The following RNF17 variants were observed in gnomAD, a reference collection of about 807,000 sequenced individuals.
RNF17 encodes the protein spermatogenesis associated 23.
A neutral mutation model predicts 200.5 loss-of-function variants in RNF17; 31 were observed. The observed-to-expected ratio is 0.15, with a 90% CI of 0.12 to 0.21. The LOEUF (loss-of-function observed/expected upper bound fraction) is 0.21. Among genes scored for constraint, RNF17 ranks in the 10% least tolerant of loss-of-function variants. The pLI is 1.00. For synonymous variants in RNF17, 606 were observed against 637.8 expected, an observed-to-expected ratio of 0.95 and a Z score of 0.75; for missense variants, 1,628 against 1,905.1, an observed-to-expected ratio of 0.85 and a Z score of 2.71.
At chr13:24,814,613 G>A (rs1740661086) in intron 15 of RNF17, among the ~76,000 whole-genome samples, 1 of 152,118 alleles carries the variant, frequency 6.6e-6, no homozygotes, top group Non-Finnish European at 1.5e-5. Context: ...AGCACTATTT[G>A]TTGAAAACAC....
intron 30 of RNF17, 55 bp from the exon 31 acceptor site, chr13:24,868,545 A>G (rs1371112829): frequency 1.3e-6 from 1 of 797,662 alleles, no homozygotes; most frequent in Non-Finnish European, 2.2e-6. Context: ...AATTTTTATA[A>G]TGTAATAGAT....
Position 24,844,644 on chromosome 13 carries a change from C to T in RNF17, c.2832-8C>T, listed in dbSNP as rs115199468. The T allele has an allele frequency of 5.2e-4, 802 of 1,557,004 alleles. 2 individuals carry two copies. In the African/African-American group the frequency reaches 9.2e-3, roughly 18 times the overall value. On this transcript the variant is annotated splice_region_variant and splice_polypyrimidine_tract_variant and intron_variant, in intron 20 of 35. Coordinates refer to ENST00000255324, the MANE Select transcript of RNF17 (RefSeq NM_031277.3). ...GTTTGGAAAGTTAAATATTTTTTAT[C>T]TCTATAGTTTAGAAGAAAAGATGAT...
rs1404745936 is a variant in RNF17 at position 24,859,085 on chromosome 13, G to A, written c.3695G>A (p.Gly1232Glu). 6.2e-7 allele frequency: 1 copy of A among 1,613,106 alleles called. No homozygotes were observed. Among genetic ancestry groups the A allele is most frequent in the East Asian group, 2.2e-5 (1 of 44,846 alleles). Reference protein sequence around the residue: ...GLLEPYFWKKGEACAVRGSDT... With the variant: ...GLLEPYFWKKEEACAVRGSDT... Reference sequence around the variant, plus strand: ...TTGGAGCCTTATTTCTGGAAAAAAGGAGAAGCATGTGCAGTAAGAGGATCC... The same window carrying A: ...TTGGAGCCTTATTTCTGGAAAAAAGAAGAAGCATGTGCAGTAAGAGGATCC... Residue 1232 changes from glycine to glutamate, a missense_variant, in exon 26 of 36, where the codon GGA (glycine) becomes GAA (glutamate). This residue lies in a region of RNF17 where 609 missense variants were observed against 681.9 expected (regional missense o/e 0.89). Coordinates refer to ENST00000255324, the MANE Select transcript of RNF17 (RefSeq NM_031277.3).
downstream of RNF17, among the ~76,000 whole-genome samples, chr13:24,880,487 C>T (rs145260910): frequency 3.0e-3 from 451 of 152,330 alleles, 6 homozygotes; most frequent in African/African-American, 9.9e-3. Flanking sequence ...AGTTTTACTA[C>T]ATATGAATGC....
chr13:24,789,021 T>A (rs1330165944), intron 7 of RNF17, among the ~76,000 whole-genome samples: 1 of 152,158 alleles, frequency 6.6e-6, no homozygotes, highest in African/African-American at 2.4e-5. Context: ...TGATAAAATT[T>A]GGTCTTTATC....
intron 15 of RNF17, among the ~76,000 whole-genome samples, chr13:24,809,323 T>A (rs1886294454): frequency 6.6e-6 from 1 of 151,908 alleles, no homozygotes; most frequent in African/African-American, 2.4e-5. Context: ...CAATTTCAGC[T>A]CCTGTTATTG....
Position 24,789,697 on chromosome 13 carries a change from G to C in RNF17, c.861-1G>C. 6.4e-7 allele frequency: 1 copy of C among 1,572,162 alleles called. No individual in the cohort carries two copies. The highest frequency in any genetic ancestry group is 2.2e-5 in the East Asian group (1 of 44,552). On this transcript the variant is annotated splice_acceptor_variant, in intron 8 of 35. Coordinates refer to ENST00000255324, the MANE Select transcript of RNF17 (RefSeq NM_031277.3). LOFTEE classifies it high-confidence loss of function. ...ATGTATATGTTAATGTTTTATTATA[G>C]GTTGAGTGTGAATTGCAGTGAGATC...
In RNF17 at chr13:24,844,758, C is replaced by T; in HGVS notation, c.2938C>T (p.Arg980Ter). ...AVKIQDKNQWRRGQIIRMVTD... is the reference protein window; with the variant it reads ...AVKIQDKNQW ...TAAGATCCAAGATAAAAATCAGTGG[C>T]GAAGAGGCCAGATCATCAGAATGGT... Residue 980 changes from arginine (R) to a stop codon, truncating the protein, a stop_gained, in exon 21 of 36, where the codon CGA (arginine) becomes TGA (stop). Transcript: ENST00000255324. LOFTEE classifies it high-confidence loss of function. 6.2e-7 allele frequency: 1 copy of T among 1,613,588 alleles called. No homozygotes were observed. Among genetic ancestry groups the T allele is most frequent in the Non-Finnish European group, 8.5e-7 (1 of 1,179,686 alleles).
chr13:24,862,367 A>G (rs1273710270), intron 27 of RNF17, among the ~76,000 whole-genome samples: 1 of 152,230 alleles, frequency 6.6e-6, no homozygotes, highest in Non-Finnish European at 1.5e-5. Flanking sequence ...TTCCTTAATG[A>G]ATACATATTG....
upstream of RNF17, among the ~76,000 whole-genome samples, chr13:24,759,719 G>T (rs9551147): frequency 0.21 from 32,220 of 151,996 alleles, 3,786 homozygotes; most frequent in South Asian, 0.34. Context: ...AAAAAGGAAG[G>T]GAGTGAAGGA....
intron 15 of RNF17, among the ~76,000 whole-genome samples, chr13:24,822,504 G>A (rs947766606): frequency 4.0e-5 from 6 of 151,548 alleles, no homozygotes; most frequent in Non-Finnish European, 5.9e-5. Context: ...TGACTGCAAC[G>A]TGCACCTCCC....
chr13:24,866,030 A>T lies in RNF17; in HGVS notation c.4102-114A>T, dbSNP rs966439325. On this transcript the variant is annotated intron_variant, in intron 29 of 35. Coordinates refer to ENST00000255324, the MANE Select transcript of RNF17 (RefSeq NM_031277.3). ...GATTTTCCTGTAATTGATCTGAAATAAATAAATGAATACCAACAAGGAAAT... is the reference window on the plus strand; with the variant it reads ...GATTTTCCTGTAATTGATCTGAAATTAATAAATGAATACCAACAAGGAAAT... 1.1e-4 allele frequency: 73 copies of T among 664,626 alleles called. 1 individual carries two copies. The highest frequency in any genetic ancestry group is 1.0e-3 in the Middle Eastern group (4 of 3,956). 41.2% of individuals were successfully genotyped at this position (664,626 alleles called of 1,614,324 possible).
chr13:24,769,898 T>G (rs1663876086), intron 2 of RNF17, among the ~76,000 whole-genome samples: 1 of 152,220 alleles, frequency 6.6e-6, no homozygotes, highest in Non-Finnish European at 1.5e-5. Context: ...TGGTTTTTGA[T>G]AACATCCCTG....
At chr13:24,860,268 AAAAT>A (rs1458241655) in intron 26 of RNF17, among the ~76,000 whole-genome samples, 2 of 152,080 alleles carry the variant, frequency 1.3e-5, no homozygotes, top group African/African-American at 4.8e-5. Context: ...TTGTAGAATC[AAAAT>A]AAATAAGATG....
chr13:24,881,729 AGATT>A (rs1953826147), downstream of RNF17, among the ~76,000 whole-genome samples: 1 of 147,744 alleles, frequency 6.8e-6, no homozygotes, highest in South Asian at 2.1e-4. Flanking sequence ...ATATCTATCT[AGATT>A]ATCTAGATCA....
At position 24,879,084 on chromosome 13, in the gene RNF17, C is replaced by T. The variant is rs1418109718; in HGVS notation, c.4774-103C>T. The T allele has an allele frequency of 6.6e-6, 5 of 761,458 alleles. No individual in the cohort carries two copies. The African/African-American group carries it at 7.1e-5, about 11-fold the overall frequency. The allele number at this position is 761,458 out of a possible 1,614,324, so 47.2% of individuals were successfully genotyped here. A position where few individuals can be genotyped will look rare whatever the true frequency, so the allele number is the denominator to read the frequency against. On this transcript the variant is annotated intron_variant, in intron 34 of 35. Coordinates refer to ENST00000255324, the MANE Select transcript of RNF17 (RefSeq NM_031277.3). ...CATAGAGCATAAATTATCAATAGGC[C>T]CCTGAGAACACCTTTTCACACCCGT... is the stretch of plus-strand genomic sequence containing the variant.
At chr13:24,823,176 C>G (rs919559200) in intron 15 of RNF17, among the ~76,000 whole-genome samples, 4 of 152,150 alleles carry the variant, frequency 2.6e-5, no homozygotes, top group Non-Finnish European at 5.9e-5. Context: ...CAGGTTCAAG[C>G]AATTCTCCTG....
At chr13:24,850,495 A>T in intron 23 of RNF17, 52 bp downstream of exon 23, 1 of 1,126,126 alleles carries the variant, frequency 8.9e-7, no homozygotes, top group Non-Finnish European at 1.3e-6. Flanking sequence ...GTTTCCATCG[A>T]TTCCATTTAT....
intron 25 of RNF17, among the ~76,000 whole-genome samples, chr13:24,856,602 C>T (rs563408272): frequency 4.6e-5 from 7 of 151,982 alleles, no homozygotes; most frequent in African/African-American, 1.7e-4. Flanking sequence ...GTTAGTAGTC[C>T]TAGCTCATCG....
Sources: gnomAD v4.1 joint callset for allele counts (sites outside exome capture counted in the v4.1 genomes callset) on GRCh38, gnomAD v4.1.1 for gene constraint, gnomAD v4.1.1 regional missense constraint, MANE v1.5 for transcripts, NCBI Gene and HGNC (gene_info 2026-07-23, HGNC 2026-07-21) for gene names.